CYP4A22: variants seen among roughly 807,000 people sequenced by gnomAD.
CYP4A22 encodes cytochrome P450 4A22.
In CYP4A22, 46 loss-of-function variants were observed where a neutral mutation model predicts 56.2. The ratio of observed to expected loss-of-function variants is 0.82; its 90% confidence interval spans 0.65 to 1.05. The LOEUF is 1.05. CYP4A22 is among the 50% of genes least tolerant of loss of function. CYP4A22 has a pLI of 0.00. For missense variants in CYP4A22, 541 were observed against 645.9 expected (o/e 0.84, Z 1.76); for synonymous variants, 193 against 251.1 (o/e 0.77, Z 2.19).
In CYP4A22 at chr1:47,144,648, G is replaced by C. The variant is rs774759365; in HGVS notation, c.996G>C (p.Trp332Cys). 1.2e-6 allele frequency: 2 copies of C among 1,613,744 alleles called. No homozygotes were observed. The highest frequency in any genetic ancestry group is 2.7e-5 in the African/African-American group (2 of 74,896). The part of the protein sequence containing the change: ...GHDTTASGIS[W>C]ILYALATHPK... The stretch of plus-strand genomic sequence containing the variant: ...ACACCACAGCCAGTGGGATCTCCTG[G>C]ATCCTCTATGCTCTGGCCACACACC... Residue 332 changes from tryptophan to cysteine, a missense_variant, in exon 8 of 12, where the codon TGG (tryptophan) becomes TGC (cysteine). Physicochemically the swap from Trp to Cys is radical, Grantham distance 215. Transcript: ENST00000371891.
rs1406483124 is a variant in CYP4A22 at position 47,140,833 on chromosome 1, A to C, written c.249A>C (p.Pro83=). ...QRIQERVKTF[P]SACPYWIWGG... is the part of the protein sequence containing the mutation. ...TTCAGGAACGGGTGAAGACATTCCC[A>C]AGTGCCTGTCCTTATTGGATATGGG... Residue 83 remains proline, a synonymous_variant, in exon 2 of 12, where the codon CCA becomes CCC. Coordinates refer to ENST00000371891, the MANE Select transcript of CYP4A22 (RefSeq NM_001010969.4). The C allele has an allele frequency of 5.6e-6, 9 of 1,614,014 alleles. No homozygotes were observed. The highest frequency in any genetic ancestry group is 5.9e-6 in the Non-Finnish European group (7 of 1,180,030).
intron 3 of CYP4A22, among the ~76,000 whole-genome samples, 164 bp downstream of exon 3, chr1:47,141,779 G>T (rs1645012695): frequency 6.6e-6 from 1 of 152,058 alleles, no homozygotes; most frequent in Non-Finnish European, 1.5e-5. Flanking sequence ...TCCTAATGCT[G>T]GTGCAAACCT....
At chr1:47,147,187 C>T (rs1416591132) in intron 11 of CYP4A22, 1 of 985,334 alleles carries the variant, frequency 1.0e-6, no homozygotes, top group Non-Finnish European at 1.2e-6. Flanking sequence ...AAAGCTTCCT[C>T]CTGAAACTCC....
At chr1:47,139,470 G>T (rs1313646423) in intron 1 of CYP4A22, among the ~76,000 whole-genome samples, 3 of 152,186 alleles carry the variant, frequency 2.0e-5, no homozygotes, top group African/African-American at 4.8e-5. Context: ...AGCTTCCCCA[G>T]ATGCTTGTCC....
intron 9 of CYP4A22, among the ~76,000 whole-genome samples, chr1:47,145,231 G>A (rs1243577965): frequency 6.6e-6 from 1 of 152,202 alleles, no homozygotes; most frequent in Non-Finnish European, 1.5e-5. Flanking sequence ...GAGATGTGCA[G>A]GGCTGGAAAG....
chr1:47,139,762 A>C (rs1268765033), intron 1 of CYP4A22, among the ~76,000 whole-genome samples: 1 of 152,194 alleles, frequency 6.6e-6, no homozygotes, highest in Non-Finnish European at 1.5e-5. Flanking sequence ...GAGTTACTAG[A>C]AGCAGTTGAA....
intron 9 of CYP4A22, 151 bp downstream of exon 9, chr1:47,145,121 G>T: frequency 7.2e-7 from 1 of 1,381,954 alleles, no homozygotes; most frequent in South Asian, 1.5e-5. Context: ...GGATGAATTT[G>T]AAAAGTCTGG....
intron 5 of CYP4A22, among the ~76,000 whole-genome samples, 166 bp from the exon 6 acceptor site, chr1:47,143,596 A>G (rs1388484676): frequency 3.9e-5 from 6 of 152,190 alleles, no homozygotes; most frequent in Non-Finnish European, 8.8e-5. Flanking sequence ...CTGGATGTTC[A>G]TACCATCTGA....
chr1:47,140,663 A>G, intron 1 of CYP4A22, 117 bp from the exon 2 acceptor site: 1 of 1,476,070 alleles, frequency 6.8e-7, no homozygotes. Flanking sequence ...AGGTCATCAG[A>G]AACAGATCTA....
chr1:47,146,543 C>G, intron 11 of CYP4A22: 14 of 1,099,296 alleles, frequency 1.3e-5, no homozygotes, highest in Non-Finnish European at 1.4e-5. Context: ...AGATTTCTCT[C>G]TCCCCACACA....
In CYP4A22 at chr1:47,143,759, C is replaced by T; in HGVS notation, c.636-3C>T. The stretch of plus-strand genomic sequence containing the variant: ...GCGGTCTCTTCTTCATACTCTCCCT[C>T]AGGAATTCTCAGTCCTACATCCAGG... On this transcript the variant is annotated splice_polypyrimidine_tract_variant and splice_region_variant and intron_variant, in intron 5 of 11. Coordinates refer to ENST00000371891, the MANE Select transcript of CYP4A22 (RefSeq NM_001010969.4). The T allele has an allele frequency of 6.2e-7, 1 of 1,606,246 alleles. No homozygotes were observed. Among genetic ancestry groups the T allele is most frequent in the Non-Finnish European group, 8.5e-7 (1 of 1,175,826 alleles).
At chr1:47,147,728 A>C (rs1178926972) in intron 11 of CYP4A22, among the ~76,000 whole-genome samples, 1 of 152,188 alleles carries the variant, frequency 6.6e-6, no homozygotes, top group Non-Finnish European at 1.5e-5. Context: ...GAGGGAGGAC[A>C]TTCTCAGCCA....
At position 47,148,893 on chromosome 1, in the gene CYP4A22, C is replaced by A. The variant is rs1645103465; in HGVS notation, c.*96C>A. 1 of 1,413,868 alleles carries A rather than the reference C, an allele frequency of 7.1e-7. No homozygotes were observed. Among genetic ancestry groups the A allele is most frequent in the East Asian group, 2.6e-5 (1 of 38,712 alleles). The allele number at this position is 1,413,868 out of a possible 1,614,324, so 87.6% of individuals were successfully genotyped here. A position where few individuals can be genotyped will look rare whatever the true frequency, so the allele number is the denominator to read the frequency against. On this transcript the variant is annotated 3_prime_UTR_variant, in exon 12 of 12. Coordinates refer to ENST00000371891, the MANE Select transcript of CYP4A22 (RefSeq NM_001010969.4). ...TTCTGTCTGCCCACCTTCCCTTCTT[C>A]CCACCTGCCTGCTGTCCCCCAGTCT...
At chr1:47,143,673 T>G (rs1295636242) in intron 5 of CYP4A22, 89 bp from the exon 6 acceptor site, 1 of 1,497,616 alleles carries the variant, frequency 6.7e-7, no homozygotes, top group East Asian at 2.3e-5. Flanking sequence ...TTGTCCCCAT[T>G]ATCCGAGGCT....
intron 2 of CYP4A22, among the ~76,000 whole-genome samples, 189 bp from the exon 3 acceptor site, chr1:47,141,382 G>T (rs1645007438): frequency 1.3e-5 from 2 of 152,116 alleles, no homozygotes; most frequent in South Asian, 4.1e-4. Flanking sequence ...GTGTTTTCCT[G>T]CTGGAACACT....
At position 47,137,547 on chromosome 1, in the gene CYP4A22, T is replaced by C. The variant is rs1018478866; in HGVS notation, c.62T>C (p.Val21Ala). Reference protein sequence around the residue: ...RLGGVSGILQVTSLLILLLLL... With the variant: ...RLGGVSGILQATSLLILLLLL... ...GGTGGTGTCTCCGGGATCCTCCAAGTGACCTCCCTGCTCATTCTGCTTCTG... is the reference window on the plus strand; with the variant it reads ...GGTGGTGTCTCCGGGATCCTCCAAGCGACCTCCCTGCTCATTCTGCTTCTG... The change falls in exon 1 of 12, where the codon GTG (valine) becomes GCG (alanine). Residue 21 changes from valine to alanine, a missense_variant. Coordinates refer to ENST00000371891, the MANE Select transcript of CYP4A22 (RefSeq NM_001010969.4). 6 of 1,614,098 alleles carry C rather than the reference T, an allele frequency of 3.7e-6. No individual in the cohort carries two copies. Among genetic ancestry groups the C allele is most frequent in the Non-Finnish European group, 5.1e-6 (6 of 1,180,026 alleles).
rs1298383816 is a variant in CYP4A22, at chr1:47,142,221, G to C, written c.496G>C (p.Val166Leu). The C allele has an allele frequency of 6.2e-7, 1 of 1,609,592 alleles. No individual in the cohort carries two copies. The highest frequency in any genetic ancestry group is 8.5e-7 in the Non-Finnish European group (1 of 1,177,872). Residue 166 changes from valine (V) to leucine (L), a missense_variant, in exon 4 of 12, where the codon GTA (valine) becomes CTA (leucine). This residue lies in a region of CYP4A22 where 335 missense variants were observed against 361.2 expected (regional missense o/e 0.93). Coordinates refer to ENST00000371891, the MANE Select transcript of CYP4A22 (RefSeq NM_001010969.4). ...ATACGTGGGGCTCATGGCAGACTCTGTACGAGTGATGCTGGTGAGTCCATG... is the reference window on the plus strand; with the variant it reads ...ATACGTGGGGCTCATGGCAGACTCTCTACGAGTGATGCTGGTGAGTCCATG... ...KPYVGLMADSVRVMLDKWEEL... is the reference protein window; with the variant it reads ...KPYVGLMADSLRVMLDKWEEL...
At chr1:47,148,028 G>T (rs551163058) in intron 11 of CYP4A22, among the ~76,000 whole-genome samples, 1 of 152,102 alleles carries the variant, frequency 6.6e-6, no homozygotes, top group South Asian at 2.1e-4. Context: ...ACAGGAGCCC[G>T]GACCCTGGGG....
intron 11 of CYP4A22, chr1:47,147,416 G>T (rs1303000243): frequency 1.0e-6 from 1 of 985,038 alleles, no homozygotes; most frequent in Non-Finnish European, 1.2e-6. Context: ...CTACCTCTCT[G>T]GGTCAAGTCC....
Sources: allele counts gnomAD v4.1 joint callset (sites outside exome capture counted in the v4.1 genomes callset), GRCh38; gene constraint gnomAD v4.1.1; regional missense constraint gnomAD v4.1.1; transcripts MANE v1.5; gene names NCBI Gene and HGNC (gene_info 2026-07-23, HGNC 2026-07-21).